The following FUCA1 variants were observed in gnomAD, a reference collection of about 807,000 sequenced individuals.
FUCA1 encodes the protein alpha-L-fucosidase 1.
In FUCA1, 52 loss-of-function variants were observed where a neutral mutation model predicts 56.8. The ratio of observed to expected loss-of-function variants is 0.92; its 90% CI spans 0.73 to 1.15. The LOEUF (loss-of-function observed/expected upper bound fraction) is 1.15, where lower values mean the gene tolerates loss of function less well. FUCA1 is among the 50% of genes most tolerant of loss of function. The probability of loss-of-function intolerance (pLI) is 0.00; values close to 1 mark genes in which losing one functional copy is unlikely to be tolerated. For missense variants in FUCA1, 568 were observed against 592.6 expected, an observed-to-expected ratio of 0.96 and a Z score of 0.43; for synonymous variants, 230 against 226.6, an observed-to-expected ratio of 1.02 and a Z score of -0.14.
In FUCA1 at chr1:23,863,916, C is replaced by T. The variant is rs150696184; in HGVS notation, c.525-645G>A. Among the ~76,000 whole-genome samples, 88 of 152,102 alleles carry T rather than the reference C, an allele frequency of 5.8e-4. No homozygotes were observed. In the East Asian group the frequency reaches 0.014, roughly 25 times the overall value. On this transcript the variant is annotated intron_variant, in intron 2 of 7. Coordinates refer to ENST00000374479, the MANE Select transcript of FUCA1 (RefSeq NM_000147.5). ...GCCTTATTTTTAAAAAATGTCTTCC[C>T]TGTCAATCATAAAATTTCATATTTA...
chr1:23,853,041 T>G (rs1229889845), intron 5 of FUCA1, among the ~76,000 whole-genome samples: 9 of 128,286 alleles, frequency 7.0e-5, no homozygotes, highest in South Asian at 2.7e-4. Context: ...GAGCACCTCT[T>G]CCCGGCCGCC....
At position 23,867,907 on chromosome 1, in the gene FUCA1, G is replaced by C; in HGVS notation, c.380C>G (p.Ala127Gly). ...CCGGGACCACACTCACTTGGCGCCC[G>C]CGGCCTGGAAGAGGTCGGCCCACTC... ...PEEWADLFQA[A>G]GAKYVVLTTK... The change falls in exon 1 of 8, where the codon GCG becomes GGG. Residue 127 changes from alanine to glycine, a missense_variant. Coordinates refer to ENST00000374479, the MANE Select transcript of FUCA1 (RefSeq NM_000147.5). The surrounding 1 kb of genome is among the most constrained non-coding windows in gnomAD (Gnocchi z 4.9). The C allele has an allele frequency of 6.5e-7, 1 of 1,548,676 alleles. No homozygotes were observed. Among genetic ancestry groups the C allele is most frequent in the Non-Finnish European group, 8.7e-7 (1 of 1,146,626 alleles).
At position 23,867,753 on chromosome 1, in the gene FUCA1, C is replaced by T; in HGVS notation, c.389+145G>A. The T allele has an allele frequency of 7.0e-7, 1 of 1,423,164 alleles. No individual in the cohort carries two copies. Among genetic ancestry groups the T allele is most frequent in the Non-Finnish European group, 9.1e-7 (1 of 1,097,440 alleles). The allele number at this position is 1,423,164 out of a possible 1,614,324, so 88.2% of individuals were successfully genotyped here. ...TCCTCCTCATCAGGTGTGCCAGGCT[C>T]ACTCCTGTGGCCGCAGGAGGCCACA... On this transcript the variant is annotated intron_variant, in intron 1 of 7. Coordinates refer to ENST00000374479, the MANE Select transcript of FUCA1 (RefSeq NM_000147.5). This position sits in a 1 kb window ranked among gnomAD's most constrained non-coding sequence, Gnocchi z 4.9.
chr1:23,858,875 C>A (rs1019230647), intron 4 of FUCA1, among the ~76,000 whole-genome samples: 4 of 152,100 alleles, frequency 2.6e-5, no homozygotes, highest in African/African-American at 7.2e-5. Flanking sequence ...AGCCTCCCCC[C>A]ACATCAGCCT....
chr1:23,865,416 G>A (rs182688504), intron 2 of FUCA1, 75 bp downstream of exon 2: 4 of 1,588,452 alleles, frequency 2.5e-6, no homozygotes, highest in Non-Finnish European at 3.5e-6. Context: ...GAAAACACAC[G>A]CAAGTAGAGG....
At chr1:23,853,762 A>AC (rs1335240780) in intron 5 of FUCA1, among the ~76,000 whole-genome samples, 1 of 151,178 alleles carries the variant, frequency 6.6e-6, no homozygotes, top group Non-Finnish European at 1.5e-5. Flanking sequence ...CGGTGACCCT[A>AC]CCCACAACCC....
intron 5 of FUCA1, among the ~76,000 whole-genome samples, chr1:23,850,316 C>CA (rs11425085): frequency 0.52 from 67,020 of 129,094 alleles, 17,089 homozygotes; most frequent in South Asian, 0.67. Flanking sequence ...AATTCCATCT[C>CA]AAAAAAAAAA....
intron 3 of FUCA1, among the ~76,000 whole-genome samples, chr1:23,861,642 GAGCCCTATA>G (rs2148447054): frequency 6.6e-6 from 1 of 152,260 alleles, no homozygotes; most frequent in South Asian, 2.1e-4. Context: ...TTATTACTCT[GAGCCCTATA>G]AGGCATGTAT....
At chr1:23,863,046 C>G in intron 3 of FUCA1, 88 bp downstream of exon 3, 2 of 1,387,688 alleles carry the variant, frequency 1.4e-6, no homozygotes, top group Non-Finnish European at 2.0e-6. Context: ...TTTTTCATAC[C>G]TATCCCTCCT....
chr1:23,860,982 A>G (rs1444111771), intron 3 of FUCA1, among the ~76,000 whole-genome samples: 1 of 151,972 alleles, frequency 6.6e-6, no homozygotes, highest in Non-Finnish European at 1.5e-5. Context: ...AGGTGTAATC[A>G]GCATACAAAC....
Position 23,846,146 on chromosome 1 carries a change from A to G in FUCA1, c.1188T>C (p.Tyr396=), listed in dbSNP as rs755380871. ...VWYTSKGSAV[Y]AIFLHWPENG... ...TTTCTGGCCAGTGCAGAAAAATGGC[A>G]TAAACAGCCGATCCCTTTGAGGTAT... Residue 396 remains tyrosine (Y), a synonymous_variant, in exon 7 of 8, where the codon TAT becomes TAC. Transcript: ENST00000374479. The G allele has an allele frequency of 1.2e-6, 2 of 1,614,124 alleles. No homozygotes were observed. The highest frequency in any genetic ancestry group is 1.1e-5 in the South Asian group (1 of 91,084).
intron 6 of FUCA1, 32 bp from the exon 7 acceptor site, chr1:23,846,205 A>G: frequency 7.4e-7 from 1 of 1,352,552 alleles, no homozygotes; most frequent in Non-Finnish European, 1.1e-6. Context: ...TGTCAAAGAT[A>G]CCTGACTTGT....
chr1:23,846,155 C>G lies in FUCA1; in HGVS notation c.1179G>C (p.Ser393=), dbSNP rs370306169. 2 of 1,613,790 alleles carry G rather than the reference C, an allele frequency of 1.2e-6. No individual in the cohort carries two copies. The highest frequency in any genetic ancestry group is 3.3e-5 in the Admixed American group (2 of 60,008). Residue 393 remains serine, a synonymous_variant, in exon 7 of 8, where the codon TCG becomes TCC. Coordinates refer to ENST00000374479, the MANE Select transcript of FUCA1 (RefSeq NM_000147.5). ...AGTGCAGAAAAATGGCATAAACAGC[C>G]GATCCCTTTGAGGTATACCTGGGAA... ...TTSVWYTSKG[S]AVYAIFLHWP... is the part of the protein sequence containing the mutation.
chr1:23,849,131 C>A (rs112263690), intron 5 of FUCA1, among the ~76,000 whole-genome samples: 4 of 151,970 alleles, frequency 2.6e-5, no homozygotes, highest in African/African-American at 9.7e-5. Context: ...TACAGGCATG[C>A]GCCACCACAT....
In FUCA1 at chr1:23,845,877, GA is replaced by G. The variant is rs776758222; in HGVS notation, c.1261-23del. On this transcript the variant is annotated intron_variant, in intron 7 of 7. Transcript: ENST00000374479. ...TTATCTGCAGAAAACAAAAGGGAAT[GA>G]AACAAACTGGTAATGCACTAATGAG... is the stretch of plus-strand genomic sequence containing the variant. 1.9e-5 allele frequency: 31 copies of G among 1,613,816 alleles called. 2 individuals carry two copies. The South Asian group carries it at 3.4e-4, about 18-fold the overall frequency.
chr1:23,853,665 G>A (rs6664538), intron 5 of FUCA1, among the ~76,000 whole-genome samples: 135,837 of 139,056 alleles, frequency 0.98, 66,323 homozygotes, highest in Middle Eastern at 0.99. Flanking sequence ...GATGGTTGCC[G>A]TGTCTGTGTA....
At chr1:23,850,141 C>T (rs1202195567) in intron 5 of FUCA1, among the ~76,000 whole-genome samples, 2 of 151,638 alleles carry the variant, frequency 1.3e-5, no homozygotes, top group Admixed American at 6.6e-5. Flanking sequence ...GTGGTGAAGG[C>T]CCTGTCTCTA....
intron 3 of FUCA1, 93 bp from the exon 4 acceptor site, chr1:23,859,996 G>T: frequency 1.3e-6 from 1 of 793,692 alleles, no homozygotes; most frequent in Non-Finnish European, 2.2e-6. Flanking sequence ...ATGGGGTTTC[G>T]CTATGTTGCC....
At chr1:23,861,089 C>T (rs566195058) in intron 3 of FUCA1, among the ~76,000 whole-genome samples, 5 of 151,512 alleles carry the variant, frequency 3.3e-5, no homozygotes, top group East Asian at 3.9e-4. Flanking sequence ...TTTGGGAGGC[C>T]GAGGCGGGCG....
Sources: gnomAD v4.1 joint callset for allele counts (sites outside exome capture counted in the v4.1 genomes callset) on GRCh38, gnomAD v4.1.1 for gene constraint, Gnocchi (gnomAD v3.1) non-coding constraint, MANE v1.5 for transcripts, NCBI Gene and HGNC (gene_info 2026-07-23, HGNC 2026-07-21) for gene names.